The following TTLL5 variants were observed in gnomAD, a reference collection of about 807,000 sequenced individuals.
The protein encoded by TTLL5 is tubulin tyrosine ligase like 5.
TTLL5 carries 132 observed loss-of-function variants against 168.4 expected under a neutral mutation model. The ratio of observed to expected loss-of-function variants is 0.78; its 90% CI spans 0.68 to 0.91. The LOEUF is 0.91. Ranked by LOEUF, TTLL5 falls within the 40% of genes least tolerant of loss-of-function variation. TTLL5 has a pLI of 0.00. For synonymous variants in TTLL5, 546 were observed against 558.6 expected, an observed-to-expected ratio of 0.98 and a Z score of 0.32; for missense variants, 1,545 against 1,581.5, an observed-to-expected ratio of 0.98 and a Z score of 0.39.
At chr14:75,740,536 T>C (rs1889192834) in intron 15 of TTLL5, among the ~76,000 whole-genome samples, 1 of 152,212 alleles carries the variant, frequency 6.6e-6, no homozygotes, top group African/African-American at 2.4e-5. Flanking sequence ...AATAACAGGA[T>C]GCATGTCTCT....
chr14:75,735,568 C>T (rs902294218), intron 15 of TTLL5, among the ~76,000 whole-genome samples: 11 of 152,016 alleles, frequency 7.2e-5, no homozygotes, highest in Non-Finnish European at 1.5e-4. Flanking sequence ...TTTTTTCCGC[C>T]TCAGATTGAT....
chr14:75,782,461 T>G (rs377426235), intron 24 of TTLL5, 26 bp from the exon 25 acceptor site: 7 of 1,587,360 alleles, frequency 4.4e-6, no homozygotes, highest in Non-Finnish European at 6.0e-6. Context: ...TATAAGAGAG[T>G]CCAAGCTCAT....
At chr14:75,830,130 A>G (rs1490318805) in intron 28 of TTLL5, among the ~76,000 whole-genome samples, 1 of 152,232 alleles carries the variant, frequency 6.6e-6, no homozygotes, top group African/African-American at 2.4e-5. Context: ...TGTTTTCTGT[A>G]TTCTAAATAT....
chr14:75,809,475 AC>A (rs1388818217), intron 27 of TTLL5, among the ~76,000 whole-genome samples: 1 of 152,150 alleles, frequency 6.6e-6, no homozygotes, highest in Non-Finnish European at 1.5e-5. Context: ...TTTGGGGGGT[AC>A]ATATGATGTT....
chr14:75,900,120 A>G (rs2032857222), intron 30 of TTLL5, among the ~76,000 whole-genome samples: 1 of 152,174 alleles, frequency 6.6e-6, no homozygotes, highest in Non-Finnish European at 1.5e-5. Context: ...AAGAGCAAAC[A>G]TCATCTACAG....
rs1454655859 is a variant in TTLL5, at chr14:75,775,468, A to C, written c.2137-16A>C. 6.2e-7 allele frequency: 1 copy of C among 1,607,610 alleles called. No homozygotes were observed. The highest frequency in any genetic ancestry group is 8.5e-7 in the Non-Finnish European group (1 of 1,177,630). On this transcript the variant is annotated splice_polypyrimidine_tract_variant and intron_variant, in intron 21 of 31. Transcript: ENST00000298832. The stretch of plus-strand genomic sequence containing the variant: ...ATCCCTCCTTTTTTTTTCTCCCACG[A>C]CTCTTTAATTTATAGGAGCTGGTTG...
At chr14:75,812,247 G>A (rs1420197112) in intron 27 of TTLL5, among the ~76,000 whole-genome samples, 3 of 152,164 alleles carry the variant, frequency 2.0e-5, no homozygotes, top group African/African-American at 7.2e-5. Flanking sequence ...AGGGGGAGGA[G>A]GAGGAGAGCA....
intron 28 of TTLL5, among the ~76,000 whole-genome samples, chr14:75,835,084 CA>C (rs1348063292): frequency 6.6e-6 from 1 of 152,058 alleles, no homozygotes; most frequent in African/African-American, 2.4e-5. Flanking sequence ...AACAAACAAA[CA>C]AACAAACAAA....
chr14:75,803,102 T>A (rs764653693), intron 27 of TTLL5: 10 of 152,256 alleles, frequency 6.6e-5, no homozygotes, highest in Non-Finnish European at 1.5e-4. Context: ...GTCTCTTAGA[T>A]GATGGAGATT....
intron 29 of TTLL5, among the ~76,000 whole-genome samples, chr14:75,879,407 C>T (rs895492250): frequency 2.6e-5 from 4 of 152,212 alleles, no homozygotes; most frequent in East Asian, 1.9e-4. Context: ...AGGTGGACTT[C>T]GCTGTCATCC....
At chr14:75,933,762 C>T (rs892677918) in intron 31 of TTLL5, among the ~76,000 whole-genome samples, 1 of 152,202 alleles carries the variant, frequency 6.6e-6, no homozygotes, top group Admixed American at 6.5e-5. Flanking sequence ...GTAGAGATAG[C>T]TCTTTTAAAG....
At chr14:75,867,793 A>G (rs1321899045) in intron 29 of TTLL5, among the ~76,000 whole-genome samples, 1 of 150,942 alleles carries the variant, frequency 6.6e-6, no homozygotes, top group Admixed American at 6.6e-5. Context: ...AAATTTCAGG[A>G]TGGTTGTGGG....
intron 29 of TTLL5, among the ~76,000 whole-genome samples, chr14:75,879,826 G>C (rs972553978): frequency 8.0e-4 from 121 of 152,100 alleles, no homozygotes; most frequent in African/African-American, 2.9e-3. Flanking sequence ...TCCTTCTTTA[G>C]CCCAATCTAA....
rs72725625 is a variant in TTLL5, at chr14:75,862,003, G to T, written c.3327-1664G>T. On this transcript the variant is annotated intron_variant, in intron 28 of 31. Coordinates refer to ENST00000298832, the MANE Select transcript of TTLL5 (RefSeq NM_015072.5). ...TGAAGCTCTGTACTCACTGAAAAAT[G>T]ACTTCCTATTCCCTAATTCCATAGC... 7.8e-3 allele frequency among the ~76,000 whole-genome samples: 1,185 copies of T among 152,264 alleles called. 7 individuals carry two copies. The highest frequency in any genetic ancestry group is 0.012 in the Non-Finnish European group (794 of 68,020).
chr14:75,850,876 G>A (rs567491008), intron 28 of TTLL5, among the ~76,000 whole-genome samples: 108 of 151,952 alleles, frequency 7.1e-4, no homozygotes, highest in African/African-American at 2.4e-3. Context: ...GGGAGGCTGC[G>A]GTGAGTCCAG....
At chr14:75,904,215 AAGG>A in intron 31 of TTLL5, 2 of 1,202,408 alleles carry the variant, frequency 1.7e-6, no homozygotes, top group Non-Finnish European at 1.1e-6. Flanking sequence ...AAAAAAAAAA[AAGG>A]AAAGAAAAAA....
intron 31 of TTLL5, among the ~76,000 whole-genome samples, chr14:75,919,940 G>A (rs986913218): frequency 5.9e-5 from 9 of 152,176 alleles, no homozygotes; most frequent in Non-Finnish European, 8.8e-5. Context: ...GGGCAACATG[G>A]CAAAATCCCA....
chr14:75,820,147 C>G lies in TTLL5; in HGVS notation c.3312C>G (p.Ser1104Arg). The G allele has an allele frequency of 6.3e-7, 1 of 1,592,868 alleles. No individual in the cohort carries two copies. The highest frequency in any genetic ancestry group is 8.5e-7 in the Non-Finnish European group (1 of 1,170,862). The change falls in exon 28 of 32, where the codon AGC becomes AGG. Residue 1104 changes from serine to arginine, a missense_variant. Physicochemically the swap from Ser to Arg is moderately radical, Grantham distance 110. Coordinates refer to ENST00000298832, the MANE Select transcript of TTLL5 (RefSeq NM_015072.5). ...CCCAAGCTCCCGAGAATCACTCCAG[C>G]TCTCCTGGAAGCAGGTATGTGAAGG... Reference protein sequence around the residue: ...SDPQAPENHSSSPGSRSLQTG... With the variant: ...SDPQAPENHSRSPGSRSLQTG...
intron 31 of TTLL5, among the ~76,000 whole-genome samples, chr14:75,913,256 G>A (rs935098819): frequency 2.9e-4 from 44 of 152,058 alleles, no homozygotes; most frequent in African/African-American, 1.0e-3. Flanking sequence ...CTCTGCCTAG[G>A]CACCATCTCC....
Sources: gnomAD v4.1 joint callset for allele counts (sites outside exome capture counted in the v4.1 genomes callset) on GRCh38, gnomAD v4.1.1 for gene constraint, MANE v1.5 for transcripts, NCBI Gene and HGNC (gene_info 2026-07-23, HGNC 2026-07-21) for gene names.